MACROD2: variants seen among roughly 807,000 people sequenced by gnomAD.
The protein encoded by MACROD2 is ADP-ribose glycohydrolase MACROD2.
Under a neutral mutation model 70.4 loss-of-function variants are expected in MACROD2, and 36 were observed. That is an observed-to-expected ratio of 0.51 (90% CI 0.39 to 0.68). The LOEUF (loss-of-function observed/expected upper bound fraction) is 0.68. Among genes scored for constraint, MACROD2 ranks in the 30% least tolerant of loss-of-function variants. The probability of loss-of-function intolerance (pLI) is 0.00; values close to 1 mark genes in which losing one functional copy is unlikely to be tolerated. For synonymous variants in MACROD2, 172 were observed against 178.8 expected (o/e 0.96, Z 0.30); for missense variants, 496 against 538.4 (o/e 0.92, Z 0.78).
In MACROD2 at chr20:14,616,372, G is replaced by A. The variant is rs140629650; in HGVS notation, c.302-68471G>A. On this transcript the variant is annotated intron_variant, in intron 4 of 17. Coordinates refer to ENST00000684519, the MANE Select transcript of MACROD2 (RefSeq NM_001351661.2). ...TCCTTCTTCCCTGTCAAAAATGGTC[G>A]CTTATACCACAGTGATGGTTTCTCC... 5.2e-3 allele frequency among the ~76,000 whole-genome samples: 790 copies of A among 152,084 alleles called. 9 individuals carry two copies. The highest frequency in any genetic ancestry group is 0.018 in the African/African-American group (735 of 41,490).
intron 8 of MACROD2, among the ~76,000 whole-genome samples, chr20:15,727,438 A>G (rs1227295848): frequency 7.6e-6 from 1 of 132,134 alleles, no homozygotes; most frequent in East Asian, 2.0e-4. Flanking sequence ...TTGGTTTCAT[A>G]TAAATTATAA....
chr20:14,371,634 G>A (rs1441739043), intron 3 of MACROD2, among the ~76,000 whole-genome samples: 1 of 151,980 alleles, frequency 6.6e-6, no homozygotes, highest in African/African-American at 2.4e-5. Context: ...TACTTGAATA[G>A]TGAGCATTTA....
chr20:14,193,311 G>T (rs893964079), intron 3 of MACROD2, among the ~76,000 whole-genome samples: 1 of 152,184 alleles, frequency 6.6e-6, no homozygotes, highest in Non-Finnish European at 1.5e-5. Flanking sequence ...TATTGTGGAT[G>T]TATAAACCTA....
chr20:14,614,797 C>A (rs1280015150), intron 4 of MACROD2, among the ~76,000 whole-genome samples: 1 of 152,028 alleles, frequency 6.6e-6, no homozygotes, highest in African/African-American at 2.4e-5. Flanking sequence ...ACACTGCAGG[C>A]ATATATGATT....
intron 8 of MACROD2, among the ~76,000 whole-genome samples, chr20:15,601,471 G>GA (rs751580410): frequency 1.2e-4 from 18 of 151,488 alleles, no homozygotes; most frequent in South Asian, 4.2e-4. Context: ...CAAAAAAAAA[G>GA]AAAAAATCAT....
At chr20:14,525,071 C>G (rs1392501070) in intron 4 of MACROD2, among the ~76,000 whole-genome samples, 5 of 152,098 alleles carry the variant, frequency 3.3e-5, no homozygotes, top group African/African-American at 1.2e-4. Context: ...AATTTATTTT[C>G]TCATCAAAAC....
intron 5 of MACROD2, among the ~76,000 whole-genome samples, chr20:15,166,908 GTATT>G (rs1358562739): frequency 2.7e-5 from 4 of 149,796 alleles, no homozygotes; most frequent in African/African-American, 4.9e-5. Context: ...ATTAATTTAA[GTATT>G]TAATTTAAGT....
intron 5 of MACROD2, among the ~76,000 whole-genome samples, chr20:15,080,372 T>C (rs570687029): frequency 1.2e-4 from 19 of 152,272 alleles, no homozygotes; most frequent in Non-Finnish European, 1.8e-4. Flanking sequence ...TCCTGATCAG[T>C]ATATGTATCT....
At chr20:14,959,130 T>G (rs971017323) in intron 5 of MACROD2, among the ~76,000 whole-genome samples, 9 of 152,202 alleles carry the variant, frequency 5.9e-5, no homozygotes, top group Non-Finnish European at 1.2e-4. Flanking sequence ...GTTGTTGTTG[T>G]TGGTTTGTTT....
chr20:15,804,252 A>G (rs968459638), intron 8 of MACROD2, among the ~76,000 whole-genome samples: 5 of 152,198 alleles, frequency 3.3e-5, no homozygotes, highest in African/African-American at 1.2e-4. Flanking sequence ...GGTTTTTTAA[A>G]TTGTAGAGTC....
chr20:14,130,930 G>GTTTTTT (rs11087075), intron 3 of MACROD2, among the ~76,000 whole-genome samples: 4 of 109,656 alleles, frequency 3.6e-5, no homozygotes, highest in African/African-American at 4.0e-5. Flanking sequence ...TGTTTTTTTT[G>GTTTTTT]TTTTTTTTTT....
chr20:14,721,951 G>C (rs1022521545), intron 5 of MACROD2, among the ~76,000 whole-genome samples: 1 of 152,146 alleles, frequency 6.6e-6, no homozygotes, highest in Non-Finnish European at 1.5e-5. Flanking sequence ...TGACAGACTA[G>C]AATTCTATGT....
At chr20:14,102,165 G>A (rs1026593910) in intron 3 of MACROD2, among the ~76,000 whole-genome samples, 3 of 151,386 alleles carry the variant, frequency 2.0e-5, no homozygotes, top group Non-Finnish European at 4.4e-5. Context: ...CACCATGCCC[G>A]GCTAATTTTT....
intron 2 of MACROD2, among the ~76,000 whole-genome samples, chr20:14,018,774 C>G (rs1428045003): frequency 6.6e-6 from 1 of 152,182 alleles, no homozygotes; most frequent in African/African-American, 2.4e-5. Flanking sequence ...ATCTGGGTCA[C>G]CGGAATTGTC....
At chr20:14,841,031 A>T (rs924361011) in intron 5 of MACROD2, among the ~76,000 whole-genome samples, 1 of 152,180 alleles carries the variant, frequency 6.6e-6, no homozygotes, top group Non-Finnish European at 1.5e-5. Context: ...AACTAAGAAT[A>T]ACTCTAAGAG....
intron 4 of MACROD2, among the ~76,000 whole-genome samples, chr20:14,496,985 G>T (rs1029290149): frequency 6.6e-6 from 1 of 151,704 alleles, no homozygotes; most frequent in African/African-American, 2.4e-5. Context: ...GGCAAAGTTG[G>T]AATGAGAAGA....
intron 8 of MACROD2, among the ~76,000 whole-genome samples, chr20:15,634,448 C>G (rs1194496508): frequency 6.6e-6 from 1 of 152,156 alleles, no homozygotes; most frequent in Non-Finnish European, 1.5e-5. Context: ...ACTCTCTACC[C>G]AGGGCTGATA....
intron 5 of MACROD2, among the ~76,000 whole-genome samples, chr20:15,200,740 C>T (rs1183922007): frequency 6.6e-6 from 1 of 152,188 alleles, no homozygotes; most frequent in African/African-American, 2.4e-5. Flanking sequence ...GTTTAAGTTA[C>T]AGATACAATC....
At chr20:14,351,492 T>C (rs1601519502) in intron 3 of MACROD2, among the ~76,000 whole-genome samples, 1 of 152,308 alleles carries the variant, frequency 6.6e-6, no homozygotes, top group African/African-American at 2.4e-5. Flanking sequence ...TATTTAATTT[T>C]ATTTGTGGCT....
Sources: gnomAD v4.1 joint callset for allele counts (sites outside exome capture counted in the v4.1 genomes callset) on GRCh38, gnomAD v4.1.1 for gene constraint, MANE v1.5 for transcripts, NCBI Gene and HGNC (gene_info 2026-07-23, HGNC 2026-07-21) for gene names.